ABCG2: variants seen among roughly 807,000 people sequenced by gnomAD.
ABCG2 encodes broad substrate specificity ATP-binding cassette transporter ABCG2.
In ABCG2, 80 loss-of-function variants were observed where a neutral mutation model predicts 73.5. The observed-to-expected ratio is 1.09, with a 90% CI of 0.91 to 1.31. The LOEUF (loss-of-function observed/expected upper bound fraction) is 1.31, where lower values mean the gene tolerates loss of function less well. Ranked by LOEUF, ABCG2 falls within the 50% of genes most tolerant of loss-of-function variation. ABCG2 has a pLI of 0.00. For synonymous variants in ABCG2, 269 were observed against 282.4 expected (o/e 0.95, Z 0.48); for missense variants, 796 against 786.2 (o/e 1.01, Z -0.15).
rs528480039 is a variant in ABCG2 at position 88,179,280 on chromosome 4, G to A, written c.-19-39266C>T. Among the ~76,000 whole-genome samples, 67 of 152,248 alleles carry A rather than the reference G, an allele frequency of 4.4e-4. 1 individual carries two copies. Among genetic ancestry groups the A allele is most frequent in the Admixed American group, 9.2e-4 (14 of 15,292 alleles). The stretch of plus-strand genomic sequence containing the variant: ...GCCTGGTAATTCAGAGAATTCTTCC[G>A]CATCTTATCCAAGACCACCAGATTT... On this transcript the variant is annotated intron_variant, in intron 1 of 15. Coordinates refer to the ABCG2 transcript ENST00000515655.
At chr4:88,227,713 C>T (rs1305772753) in intron 1 of ABCG2, among the ~76,000 whole-genome samples, 4 of 152,032 alleles carry the variant, frequency 2.6e-5, no homozygotes, top group African/African-American at 4.8e-5. Flanking sequence ...TTTCCTGGGG[C>T]GTAAAGACCT....
intron 10 of ABCG2, among the ~76,000 whole-genome samples, chr4:88,103,136 G>T (rs1722551401): frequency 6.6e-6 from 1 of 152,092 alleles, no homozygotes; most frequent in Admixed American, 6.5e-5. Flanking sequence ...AGCCAGGCCT[G>T]GTAGACATGC....
intron 1 of ABCG2, among the ~76,000 whole-genome samples, chr4:88,176,834 T>A (rs1728007466): frequency 1.3e-5 from 2 of 152,012 alleles, no homozygotes; most frequent in South Asian, 4.1e-4. Flanking sequence ...TGTCACATCT[T>A]CCCTAATAAT....
In ABCG2 at chr4:88,104,756, C is replaced by T. The variant is rs541885674; in HGVS notation, c.1277+2428G>A. ...TGAGCTATGACTGCACTACTGCACA[C>T]CAGCCTGGGCAATATTGTGAGATTC... On this transcript the variant is annotated intron_variant, in intron 10 of 15. Transcript: ENST00000237612. Among the ~76,000 whole-genome samples the T allele has an allele frequency of 2.0e-5, 3 of 152,050 alleles. No homozygotes were observed. In the South Asian group the frequency reaches 6.3e-4, roughly 32 times the overall value.
chr4:88,090,582 T>C lies in ABCG2; in HGVS notation c.*1652A>G, dbSNP rs1721584866. On this transcript the variant is annotated 3_prime_UTR_variant, in exon 16 of 16. Coordinates refer to ENST00000237612, the MANE Select transcript of ABCG2 (RefSeq NM_004827.3). ...ATAATGCCATGTTCCCAAATTGATG[T>C]TGTGACAGAATGTCAGGGCACCCAC... is the stretch of plus-strand genomic sequence containing the variant. 6.6e-6 allele frequency: 1 copy of C among 152,238 alleles called. No homozygotes were observed. The highest frequency in any genetic ancestry group is 2.1e-4 in the South Asian group (1 of 4,832). The allele number at this position is 152,238 out of a possible 1,614,324, so 9.4% of individuals were successfully genotyped here.
intron 1 of ABCG2, among the ~76,000 whole-genome samples, chr4:88,151,142 C>T (rs919088500): frequency 6.6e-6 from 1 of 152,190 alleles, no homozygotes; most frequent in South Asian, 2.1e-4. Context: ...GGGAGGACAG[C>T]GGCAGAAGCT....
chr4:88,132,531 T>A (rs1724963992), intron 3 of ABCG2, 45 bp downstream of exon 3: 1 of 1,606,970 alleles, frequency 6.2e-7, no homozygotes, highest in Non-Finnish European at 8.5e-7. Flanking sequence ...TAAAAGCACA[T>A]TAAAAGTGCA....
chr4:88,108,998 A>G (rs1229026780), intron 9 of ABCG2, among the ~76,000 whole-genome samples: 1 of 142,884 alleles, frequency 7.0e-6, no homozygotes, highest in African/African-American at 2.6e-5. Flanking sequence ...TATTCAATTC[A>G]GGATTTTTTT....
At chr4:88,182,283 C>T (rs1321764135) in intron 1 of ABCG2, among the ~76,000 whole-genome samples, 1 of 152,132 alleles carries the variant, frequency 6.6e-6, no homozygotes, top group East Asian at 1.9e-4. Flanking sequence ...GAGAGAAATA[C>T]ACTCCAATAT....
At chr4:88,206,362 T>C (rs1228915609) in intron 1 of ABCG2, 2 of 152,164 alleles carry the variant, frequency 1.3e-5, no homozygotes. Context: ...TACACAGCCT[T>C]TTTCCACTCT....
intron 1 of ABCG2, among the ~76,000 whole-genome samples, chr4:88,197,824 G>T (rs969194133): frequency 6.6e-6 from 1 of 151,672 alleles, no homozygotes; most frequent in Non-Finnish European, 1.5e-5. Context: ...AAGAGGCCAG[G>T]AGTTCAAGAC....
chr4:88,209,007 A>C (rs1479467218), intron 1 of ABCG2, among the ~76,000 whole-genome samples: 1 of 151,500 alleles, frequency 6.6e-6, no homozygotes, highest in Admixed American at 6.6e-5. Flanking sequence ...CTCAAAAAAA[A>C]CAAAACAAAA....
chr4:88,230,561 A>G (rs1339044737), intron 1 of ABCG2, among the ~76,000 whole-genome samples: 3 of 151,982 alleles, frequency 2.0e-5, no homozygotes, highest in East Asian at 1.9e-4. Flanking sequence ...CTGGCTTACC[A>G]CACCTAGGAT....
chr4:88,101,751 A>G (rs1272395816), intron 10 of ABCG2, among the ~76,000 whole-genome samples: 2 of 151,846 alleles, frequency 1.3e-5, no homozygotes, highest in African/African-American at 2.4e-5. Context: ...AACAGCAAGG[A>G]GGCAAGTCTG....
At chr4:88,131,666 T>C in intron 4 of ABCG2, 137 bp downstream of exon 4, 1 of 632,614 alleles carries the variant, frequency 1.6e-6, no homozygotes, top group Non-Finnish European at 2.7e-6. Context: ...TATGAGAAAT[T>C]AAGAAAAGCT....
At position 88,101,083 on chromosome 4, in the gene ABCG2, A is replaced by G; in HGVS notation, c.1367+147T>C. 3 of 614,522 alleles carry G rather than the reference A, an allele frequency of 4.9e-6. No individual in the cohort carries two copies. The South Asian group carries it at 7.0e-5, about 14-fold the overall frequency. 38.1% of individuals were successfully genotyped at this position (614,522 alleles called of 1,614,324 possible). A position where few individuals can be genotyped will look rare whatever the true frequency, so the allele number is the denominator to read the frequency against. ...ATGTTGTATATGATCAATATATACA[A>G]TTTTTATTCATCAATTTAAAAATAA... On this transcript the variant is annotated intron_variant, in intron 11 of 15. Transcript: ENST00000237612.
intron 1 of ABCG2, among the ~76,000 whole-genome samples, chr4:88,222,846 C>T (rs942226862): frequency 2.6e-5 from 4 of 152,144 alleles, no homozygotes; most frequent in Admixed American, 1.3e-4. Flanking sequence ...ACACCAGCCA[C>T]GAAAGCAGCT....
chr4:88,150,294 G>T (rs747263265), intron 1 of ABCG2, among the ~76,000 whole-genome samples: 2 of 152,182 alleles, frequency 1.3e-5, no homozygotes, highest in Non-Finnish European at 2.9e-5. Context: ...TCCAACCTGG[G>T]CAACAGAGGT....
At chr4:88,215,401 T>G (rs1169671299) in intron 1 of ABCG2, among the ~76,000 whole-genome samples, 1 of 152,158 alleles carries the variant, frequency 6.6e-6, no homozygotes, top group Non-Finnish European at 1.5e-5. Context: ...AGTTACAAAA[T>G]TCAAGGAAAT....
Sources: allele counts gnomAD v4.1 joint callset (sites outside exome capture counted in the v4.1 genomes callset), GRCh38; gene constraint gnomAD v4.1.1; transcripts MANE v1.5; gene names NCBI Gene and HGNC (gene_info 2026-07-23, HGNC 2026-07-21).